Variants in TENM3 observed in about 807,000 individuals in gnomAD.
TENM3 encodes the protein teneurin transmembrane protein 3.
In TENM3, 63 loss-of-function variants were observed where a neutral mutation model predicts 255.1. The observed-to-expected ratio is 0.25, with a 90% CI of 0.20 to 0.30. The LOEUF (loss-of-function observed/expected upper bound fraction) is 0.30. Among genes scored for constraint, TENM3 ranks in the 10% least tolerant of loss-of-function variants. The probability of loss-of-function intolerance (pLI) is 1.00; values close to 1 mark genes in which losing one functional copy is unlikely to be tolerated. For synonymous variants in TENM3, 1,306 were observed against 1,322.3 expected, an observed-to-expected ratio of 0.99 and a Z score of 0.27; for missense variants, 2,929 against 3,461.1, an observed-to-expected ratio of 0.85 and a Z score of 3.86.
chr4:182,784,394 G>A (rs1411475935), intron 24 of TENM3, among the ~76,000 whole-genome samples: 2 of 151,852 alleles, frequency 1.3e-5, no homozygotes, highest in East Asian at 1.9e-4. Flanking sequence ...ACCCACTTGA[G>A]GAGGCACTCT....
the TENM3 span, among the ~76,000 whole-genome samples, chr4:181,830,961 A>G: frequency 2.0e-5 from 3 of 152,148 alleles, no homozygotes; most frequent in Admixed American, 6.5e-5. Context: ...CTTCTCATAC[A>G]CATAGGTAGC....
intron 3 of TENM3, among the ~76,000 whole-genome samples, chr4:182,435,843 C>T (rs1010106155): frequency 6.6e-6 from 1 of 152,024 alleles, no homozygotes; most frequent in Non-Finnish European, 1.5e-5. Flanking sequence ...TTAGTACATA[C>T]ATAAGGAAGA....
At chr4:181,527,282 A>G in the TENM3 span, among the ~76,000 whole-genome samples, 950 of 152,270 alleles carry the variant, frequency 6.2e-3, 10 homozygotes, top group African/African-American at 0.021. Context: ...CCAGTAAAGC[A>G]TTTTGTTTTA....
chr4:182,037,150 A>AT, the TENM3 span, among the ~76,000 whole-genome samples: 74,745 of 144,600 alleles, frequency 0.52, 22,715 homozygotes, highest in East Asian at 0.76. Context: ...AACTCCTTTT[A>AT]TTTTTTTTTT....
the TENM3 span, among the ~76,000 whole-genome samples, chr4:182,068,684 A>T: frequency 6.6e-6 from 1 of 152,120 alleles, no homozygotes; most frequent in South Asian, 2.1e-4. Flanking sequence ...AATTTCCCTA[A>T]AATATTTTGG....
Position 182,638,025 on chromosome 4 carries a change from AG to A in TENM3, c.988+9140del, listed in dbSNP as rs200136041. Among the ~76,000 whole-genome samples the A allele has an allele frequency of 9.8e-3, 1,255 of 127,880 alleles. 17 individuals carry two copies. Among genetic ancestry groups the A allele is most frequent in the African/African-American group, 0.033 (1,188 of 35,888 alleles). The allele number at this position is 127,880 out of a possible 152,430, so 83.9% of individuals were successfully genotyped here. On this transcript the variant is annotated intron_variant, in intron 5 of 27. Transcript: ENST00000511685. ...TATAATGAAAATTTATCCATGTGTTAGGGGAAAAATTTTTTTTTTTTTTAGT... is the reference window on the plus strand; with the variant it reads ...TATAATGAAAATTTATCCATGTGTTAGGGAAAAATTTTTTTTTTTTTTAGT...
chr4:182,331,474 A>T (rs558107177), intron 2 of TENM3, among the ~76,000 whole-genome samples: 5 of 152,122 alleles, frequency 3.3e-5, no homozygotes, highest in Non-Finnish European at 7.4e-5. Flanking sequence ...TGAACCCTTG[A>T]GATGGAGGTT....
intron 1 of TENM3, among the ~76,000 whole-genome samples, chr4:182,259,879 T>C (rs1758670524): frequency 6.6e-6 from 1 of 152,192 alleles, no homozygotes; most frequent in Admixed American, 6.5e-5. Flanking sequence ...AACTGTATAT[T>C]TGTACCCACT....
At chr4:182,387,370 A>T (rs1401751161) in intron 3 of TENM3, among the ~76,000 whole-genome samples, 1 of 151,958 alleles carries the variant, frequency 6.6e-6, no homozygotes, top group East Asian at 1.9e-4. Flanking sequence ...AACTAATCGG[A>T]TGGGGAGGTG....
At chr4:182,255,490 T>C (rs1758331414) in intron 1 of TENM3, among the ~76,000 whole-genome samples, 1 of 152,214 alleles carries the variant, frequency 6.6e-6, no homozygotes, top group Non-Finnish European at 1.5e-5. Context: ...GATTATGGTA[T>C]ATTATGCTTT....
chr4:182,154,985 GT>G (rs1019994637), intron 1 of TENM3, among the ~76,000 whole-genome samples: 1 of 152,052 alleles, frequency 6.6e-6, no homozygotes, highest in African/African-American at 2.4e-5. Flanking sequence ...GGAGACCTCT[GT>G]TTTTTTGGTC....
chr4:182,315,542 G>A (rs2726793), intron 1 of TENM3, among the ~76,000 whole-genome samples: 52,985 of 151,866 alleles, frequency 0.35, 10,402 homozygotes, highest in African/African-American at 0.53. Context: ...GTTTTGAGCA[G>A]TTAAACATAA....
At chr4:182,160,217 T>C (rs928601349) in intron 1 of TENM3, among the ~76,000 whole-genome samples, 3 of 151,686 alleles carry the variant, frequency 2.0e-5, no homozygotes, top group Non-Finnish European at 4.4e-5. Context: ...TTAGCCAGGA[T>C]GGTCTCGATC....
At chr4:181,819,354 A>C in the TENM3 span, among the ~76,000 whole-genome samples, 1 of 152,234 alleles carries the variant, frequency 6.6e-6, no homozygotes, top group Admixed American at 6.5e-5. Flanking sequence ...TAGAAAGAAT[A>C]AAAGTAATAA....
chr4:181,811,699 T>C, the TENM3 span, among the ~76,000 whole-genome samples: 6 of 152,182 alleles, frequency 3.9e-5, no homozygotes, highest in African/African-American at 1.4e-4. Context: ...CTCCTACTTA[T>C]AAAACCATCA....
chr4:182,645,791 A>G (rs964176754), intron 5 of TENM3, among the ~76,000 whole-genome samples: 14 of 152,350 alleles, frequency 9.2e-5, no homozygotes, highest in Admixed American at 5.9e-4. Flanking sequence ...CAACCAAAAA[A>G]GAAGCTGAAG....
the TENM3 span, among the ~76,000 whole-genome samples, chr4:181,888,550 GTATATATATACATATATGTATATA>G: frequency 6.3e-5 from 5 of 79,424 alleles, no homozygotes; most frequent in Admixed American, 1.5e-4. Flanking sequence ...ATATATATAT[GTATATATATACATATATGTATATA>G]TATACATATA....
At chr4:182,717,012 T>C (rs1433254199) in intron 13 of TENM3, among the ~76,000 whole-genome samples, 3 of 151,978 alleles carry the variant, frequency 2.0e-5, no homozygotes, top group Non-Finnish European at 2.9e-5. Flanking sequence ...TAGAACACAG[T>C]GTTTGTAAAA....
At chr4:181,985,707 C>A in the TENM3 span, among the ~76,000 whole-genome samples, 21 of 152,072 alleles carry the variant, frequency 1.4e-4, no homozygotes, top group African/African-American at 3.9e-4. Context: ...ATGAGCAATT[C>A]AAAGCAACAA....
Sources: allele counts gnomAD v4.1 joint callset (sites outside exome capture counted in the v4.1 genomes callset), GRCh38; gene constraint gnomAD v4.1.1; transcripts MANE v1.5; gene names NCBI Gene and HGNC (gene_info 2026-07-23, HGNC 2026-07-21).